TAFA5: variants seen among roughly 807,000 people sequenced by gnomAD.
TAFA5 encodes the protein chemokine-like protein TAFA-5.
TAFA5 carries 6 observed loss-of-function variants against 15.3 expected under a neutral mutation model. That is an observed-to-expected ratio of 0.39 (90% CI 0.21 to 0.77). TAFA5 has a LOEUF of 0.77. Among genes scored for constraint, TAFA5 ranks in the 30% least tolerant of loss-of-function variants. The pLI, the probability that TAFA5 is intolerant of heterozygous loss-of-function variation, is 0.41. For missense variants in TAFA5, 161 were observed against 193.1 expected (o/e 0.83, Z 0.98); for synonymous variants, 103 against 80.7 (o/e 1.28, Z -1.48).
chr22:48,596,632 G>A lies in TAFA5; in HGVS notation c.113-49965G>A, dbSNP rs116170760. Among the ~76,000 whole-genome samples the A allele has an allele frequency of 8.7e-3, 1,316 of 151,958 alleles. 19 individuals are homozygous for A. Among genetic ancestry groups the A allele is most frequent in the African/African-American group, 0.027 (1,129 of 41,456 alleles). ...GGCGCGTGAGTGACAAGTGAGGCTC[G>A]ACATTGACACGCTGTTATTAACCGA... On this transcript the variant is annotated intron_variant, in intron 1 of 3. Coordinates refer to ENST00000402357, the MANE Select transcript of TAFA5 (RefSeq NM_001082967.3).
intron 3 of TAFA5, among the ~76,000 whole-genome samples, chr22:48,748,335 C>T (rs867645710): frequency 3.3e-5 from 5 of 152,346 alleles, no homozygotes; most frequent in African/African-American, 1.2e-4. Context: ...TGTGGATGAC[C>T]GAGCGCCCGT....
chr22:48,709,665 G>A (rs749302973), intron 3 of TAFA5, among the ~76,000 whole-genome samples: 4 of 152,118 alleles, frequency 2.6e-5, no homozygotes, highest in Non-Finnish European at 4.4e-5. Flanking sequence ...CCCACGAGGC[G>A]CCCAGGCCAG....
intron 1 of TAFA5, among the ~76,000 whole-genome samples, chr22:48,578,941 A>AG (rs1923926023): frequency 6.6e-6 from 1 of 152,116 alleles, no homozygotes; most frequent in South Asian, 2.1e-4. Context: ...GTCCAGCAGG[A>AG]GGGAGGGAAC....
chr22:48,512,114 C>T (rs1921236506), intron 1 of TAFA5, among the ~76,000 whole-genome samples: 1 of 152,214 alleles, frequency 6.6e-6, no homozygotes. Context: ...TCTGGTAGAC[C>T]AGGCTGCAAG....
At chr22:48,604,137 G>A (rs1216964978) in intron 1 of TAFA5, among the ~76,000 whole-genome samples, 1 of 152,232 alleles carries the variant, frequency 6.6e-6, no homozygotes, top group Non-Finnish European at 1.5e-5. Context: ...AGGGATTGCA[G>A]CTCAGAAAGG....
Position 48,530,556 on chromosome 22 carries a change from GCTCC to G in TAFA5, c.112+40853_112+40856del, listed in dbSNP as rs1050752541. ...CCAGAGTGGAAAGCAGGTGGACAGG[GCTCC>G]TCCCGTCTCCTCCCCTGCTAGAGGG... On this transcript the variant is annotated intron_variant, in intron 1 of 3. Transcript: ENST00000402357. The surrounding 1 kb of genome is among the most constrained non-coding windows in gnomAD (Gnocchi z 6.0). Among the ~76,000 whole-genome samples, 25 of 152,280 alleles carry G rather than the reference GCTCC, an allele frequency of 1.6e-4. No individual in the cohort carries two copies. The East Asian group carries it at 2.9e-3, about 18-fold the overall frequency.
chr22:48,507,746 C>T (rs1325522790), intron 1 of TAFA5, among the ~76,000 whole-genome samples: 1 of 152,098 alleles, frequency 6.6e-6, no homozygotes, highest in Non-Finnish European at 1.5e-5. Context: ...CCGGGACTGC[C>T]CCTAGGGGTC....
At chr22:48,719,813 G>C (rs1412901964) in intron 3 of TAFA5, among the ~76,000 whole-genome samples, 2 of 152,202 alleles carry the variant, frequency 1.3e-5, no homozygotes, top group African/African-American at 4.8e-5. Flanking sequence ...CATTTTAATA[G>C]ATTCTGTGTG....
intron 2 of TAFA5, among the ~76,000 whole-genome samples, chr22:48,650,757 C>T (rs928307744): frequency 6.6e-6 from 1 of 152,224 alleles, no homozygotes; most frequent in East Asian, 1.9e-4. Flanking sequence ...ACCAGCCACG[C>T]ACTGTGGCGC....
chr22:48,542,491 G>C (rs1244545575), intron 1 of TAFA5, among the ~76,000 whole-genome samples: 15 of 99,930 alleles, frequency 1.5e-4, no homozygotes, highest in Non-Finnish European at 2.5e-4. Context: ...GTGTGTGTGT[G>C]GTGTGTGTGC....
chr22:48,653,316 T>C (rs572152882), intron 2 of TAFA5, among the ~76,000 whole-genome samples: 3 of 152,228 alleles, frequency 2.0e-5, no homozygotes, highest in East Asian at 3.9e-4. Flanking sequence ...GTGAGGAAGA[T>C]GGTGGGAAGA....
intron 1 of TAFA5, among the ~76,000 whole-genome samples, chr22:48,515,320 C>T (rs1172732512): frequency 6.6e-6 from 1 of 152,228 alleles, no homozygotes; most frequent in Non-Finnish European, 1.5e-5. Context: ...CCAGGGCTTG[C>T]GCAGGCAGCG....
chr22:48,515,462 A>G (rs935125196), intron 1 of TAFA5, among the ~76,000 whole-genome samples: 3 of 152,038 alleles, frequency 2.0e-5, no homozygotes, highest in Admixed American at 6.5e-5. Context: ...CCTCTCCTTC[A>G]GTGCCTTGAC....
chr22:48,728,299 T>C (rs1055144886), intron 3 of TAFA5, among the ~76,000 whole-genome samples: 1 of 152,224 alleles, frequency 6.6e-6, no homozygotes, highest in African/African-American at 2.4e-5. Context: ...ACCAGGACTT[T>C]CTTATAATTT....
rs996990931 is a variant in TAFA5, at chr22:48,734,084, A to C, written c.391-15755A>C. ...CAAAAACCGTTGCTGCTGACTTCCA[A>C]GCACATGTGTTTCAAACTAATGATT... On this transcript the variant is annotated intron_variant, in intron 3 of 3. Coordinates refer to ENST00000402357, the MANE Select transcript of TAFA5 (RefSeq NM_001082967.3). 5.3e-5 allele frequency among the ~76,000 whole-genome samples: 8 copies of C among 152,230 alleles called. 1 individual carries two copies. The highest frequency in any genetic ancestry group is 1.2e-4 in the Non-Finnish European group (8 of 68,042).
chr22:48,735,956 GTCCATCCC>G (rs1268687153), intron 3 of TAFA5, among the ~76,000 whole-genome samples: 5,446 of 140,858 alleles, frequency 0.039, 1,673 homozygotes, highest in Admixed American at 0.054. Flanking sequence ...AGAGTCCAGA[GTCCATCCC>G]CCCAGGAGGA....
intron 1 of TAFA5, among the ~76,000 whole-genome samples, chr22:48,633,349 A>G (rs1926301529): frequency 6.6e-6 from 1 of 152,038 alleles, no homozygotes; most frequent in Non-Finnish European, 1.5e-5. Context: ...TGTTGGAGAG[A>G]GGGGGCCAGC....
chr22:48,489,729 C>G lies in TAFA5; in HGVS notation c.112+25C>G. 1 of 1,375,008 alleles carries G rather than the reference C, an allele frequency of 7.3e-7. No homozygotes were observed. Among genetic ancestry groups the G allele is most frequent in the South Asian group, 1.6e-5 (1 of 63,654 alleles). The allele number at this position is 1,375,008 out of a possible 1,614,324, so 85.2% of individuals were successfully genotyped here. A position where few individuals can be genotyped will look rare whatever the true frequency, so the allele number is the denominator to read the frequency against. ...AGTGAGTACCGCGCGGCCCCGGCCC[C>G]GGCACGGCCCTCTGGGCCCCGGACC... On this transcript the variant is annotated intron_variant, in intron 1 of 3. Coordinates refer to ENST00000402357, the MANE Select transcript of TAFA5 (RefSeq NM_001082967.3). This position sits in a 1 kb window ranked among gnomAD's most constrained non-coding sequence, Gnocchi z 5.5.
At chr22:48,573,192 G>A (rs761504830) in intron 1 of TAFA5, among the ~76,000 whole-genome samples, 5 of 152,268 alleles carry the variant, frequency 3.3e-5, no homozygotes, top group Admixed American at 2.0e-4. Flanking sequence ...CTCCTGCCTG[G>A]ACACCTGGCC....
Sources: gnomAD v4.1 joint callset for allele counts (sites outside exome capture counted in the v4.1 genomes callset) on GRCh38, gnomAD v4.1.1 for gene constraint, Gnocchi (gnomAD v3.1) non-coding constraint, MANE v1.5 for transcripts, NCBI Gene and HGNC (gene_info 2026-07-23, HGNC 2026-07-21) for gene names.